The following CDH13 variants were observed in gnomAD, a reference collection of about 807,000 sequenced individuals.
The protein encoded by CDH13 is cadherin-13.
In CDH13, 24 loss-of-function variants were observed where a neutral mutation model predicts 63.8. That is an observed-to-expected ratio of 0.38 (90% CI 0.27 to 0.53). The LOEUF (loss-of-function observed/expected upper bound fraction) is 0.53, where lower values mean the gene tolerates loss of function less well. Among genes scored for constraint, CDH13 ranks in the 20% least tolerant of loss-of-function variants. The pLI is 0.85. For missense variants in CDH13, 1,049 were observed against 903.1 expected, an observed-to-expected ratio of 1.16 and a Z score of -2.07; for synonymous variants, 503 against 355.3, an observed-to-expected ratio of 1.42 and a Z score of -4.67.
At chr16:83,506,289 G>A (rs941209321) in intron 7 of CDH13, among the ~76,000 whole-genome samples, 4 of 152,154 alleles carry the variant, frequency 2.6e-5, no homozygotes, top group African/African-American at 9.7e-5. Context: ...TCTGGGGGTT[G>A]GGGAATGGGG....
intron 6 of CDH13, among the ~76,000 whole-genome samples, chr16:83,423,960 C>G (rs528092938): frequency 1.3e-4 from 20 of 152,128 alleles, no homozygotes; most frequent in African/African-American, 4.8e-4. Context: ...AAGTAAGAAA[C>G]GTGAATAAGA....
intron 8 of CDH13, among the ~76,000 whole-genome samples, chr16:83,657,831 A>G (rs936763494): frequency 6.6e-6 from 1 of 151,958 alleles, no homozygotes; most frequent in African/African-American, 2.4e-5. Context: ...CCTCACCAGC[A>G]AGGTCCCATG....
intron 7 of CDH13, among the ~76,000 whole-genome samples, chr16:83,574,440 G>A (rs1904922512): frequency 1.3e-5 from 2 of 152,124 alleles, no homozygotes; most frequent in Admixed American, 1.3e-4. Flanking sequence ...AAAAACACTG[G>A]TGAGGAAAAG....
At chr16:82,910,071 C>A (rs1225360405) in intron 2 of CDH13, among the ~76,000 whole-genome samples, 1 of 152,164 alleles carries the variant, frequency 6.6e-6, no homozygotes, top group African/African-American at 2.4e-5. Flanking sequence ...TATACAATTG[C>A]CGGTGTTCAA....
At chr16:83,237,059 G>T (rs1386836271) in intron 5 of CDH13, among the ~76,000 whole-genome samples, 1 of 152,176 alleles carries the variant, frequency 6.6e-6, no homozygotes, top group African/African-American at 2.4e-5. Flanking sequence ...GTGGGGCAGA[G>T]GGGACAAGGC....
intron 3 of CDH13, among the ~76,000 whole-genome samples, chr16:83,033,548 G>T (rs1916575564): frequency 6.6e-6 from 1 of 152,108 alleles, no homozygotes; most frequent in Non-Finnish European, 1.5e-5. Context: ...CATACACATG[G>T]TATATCTGTA....
intron 1 of CDH13, among the ~76,000 whole-genome samples, chr16:82,696,626 A>G (rs1018742889): frequency 6.6e-6 from 1 of 152,248 alleles, no homozygotes; most frequent in Admixed American, 6.5e-5. Flanking sequence ...AGCAGGCCCT[A>G]CATGACTCTT....
intron 8 of CDH13, among the ~76,000 whole-genome samples, chr16:83,630,967 T>A (rs988642926): frequency 3.3e-5 from 5 of 152,302 alleles, no homozygotes; most frequent in African/African-American, 1.2e-4. Flanking sequence ...CAATAATATA[T>A]GGCAAGCACA....
chr16:82,771,897 G>A (rs74586923), intron 1 of CDH13, among the ~76,000 whole-genome samples: 11,494 of 152,266 alleles, frequency 0.075, 566 homozygotes, highest in South Asian at 0.13. Flanking sequence ...TTCAGTGCTG[G>A]CCCCTTTGGG....
chr16:83,407,888 G>A (rs568008051), intron 6 of CDH13, among the ~76,000 whole-genome samples: 1 of 152,118 alleles, frequency 6.6e-6, no homozygotes, highest in African/African-American at 2.4e-5. Context: ...AGTATGCATG[G>A]CATTTTAAAA....
At chr16:82,977,374 G>T (rs1909661378) in intron 2 of CDH13, among the ~76,000 whole-genome samples, 1 of 152,136 alleles carries the variant, frequency 6.6e-6, no homozygotes, top group Admixed American at 6.5e-5. Context: ...CACTGATATG[G>T]TTTGGCTGTG....
chr16:83,351,006 G>A (rs2090940671), intron 6 of CDH13, among the ~76,000 whole-genome samples: 1 of 152,152 alleles, frequency 6.6e-6, no homozygotes, highest in Non-Finnish European at 1.5e-5. Context: ...TTCCAAAACA[G>A]CTTGAGCTAA....
intron 1 of CDH13, among the ~76,000 whole-genome samples, chr16:82,761,021 T>G (rs4783267): frequency 9.0e-5 from 3 of 33,368 alleles, no homozygotes; most frequent in African/African-American, 5.1e-4. Flanking sequence ...TTCTTTCTTT[T>G]TTTTTTTTTT....
chr16:83,151,442 A>G (rs7199493), intron 4 of CDH13, among the ~76,000 whole-genome samples: 14,432 of 152,194 alleles, frequency 0.095, 1,748 homozygotes, highest in African/African-American at 0.28. Flanking sequence ...CCCCTGTGAA[A>G]TGTACCTATG....
At chr16:83,785,121 A>G (rs1915791814) in intron 13 of CDH13, among the ~76,000 whole-genome samples, 1 of 152,220 alleles carries the variant, frequency 6.6e-6, no homozygotes, top group Admixed American at 6.5e-5. Flanking sequence ...ATTGGGCTAA[A>G]CGTTGAGCAG....
At chr16:83,758,308 C>T (rs1913680804) in intron 11 of CDH13, among the ~76,000 whole-genome samples, 1 of 152,012 alleles carries the variant, frequency 6.6e-6, no homozygotes, top group Admixed American at 6.5e-5. Flanking sequence ...CACTCATGAG[C>T]ATAAATTTTT....
intron 5 of CDH13, among the ~76,000 whole-genome samples, chr16:83,318,157 A>T (rs1280131783): frequency 6.6e-6 from 1 of 152,252 alleles, no homozygotes; most frequent in Non-Finnish European, 1.5e-5. Context: ...CTGAGCATTT[A>T]ATAAGCTTAA....
rs954618831 is a variant in CDH13, at chr16:83,066,664, T to C, written c.366+34446T>C. On this transcript the variant is annotated intron_variant, in intron 3 of 13. Transcript: ENST00000567109. ...TCTATTAATTTAAAGAACAGAATGA[T>C]TATCACATGCATTGAAATACACAAA... 3.9e-5 allele frequency among the ~76,000 whole-genome samples: 6 copies of C among 152,240 alleles called. No homozygotes were observed. In the East Asian group the frequency reaches 1.2e-3, roughly 29 times the overall value.
At position 82,712,615 on chromosome 16, in the gene CDH13, A is replaced by C. The variant is rs572782687; in HGVS notation, c.45+85478A>C. Among the ~76,000 whole-genome samples, 340 of 152,278 alleles carry C rather than the reference A, an allele frequency of 2.2e-3. 1 individual carries two copies. The highest frequency in any genetic ancestry group is 7.6e-3 in the African/African-American group (317 of 41,546). On this transcript the variant is annotated intron_variant, in intron 1 of 13. Transcript: ENST00000567109. ...GGATGTCTACAAAATGCAGCAGTAAAGTGTTCCATAATCCACACTTCAGTC... is the reference window on the plus strand; with the variant it reads ...GGATGTCTACAAAATGCAGCAGTAACGTGTTCCATAATCCACACTTCAGTC...
Sources: allele counts gnomAD v4.1 joint callset (sites outside exome capture counted in the v4.1 genomes callset), GRCh38; gene constraint gnomAD v4.1.1; transcripts MANE v1.5; gene names NCBI Gene and HGNC (gene_info 2026-07-23, HGNC 2026-07-21).